Variants in MGST2 observed in about 807,000 individuals in gnomAD.
The protein encoded by MGST2 is microsomal glutathione S-transferase 2.
Under a neutral mutation model 16.6 loss-of-function variants are expected in MGST2, and 9 were observed. The ratio of observed to expected loss-of-function variants is 0.54; its 90% CI spans 0.33 to 0.95. The LOEUF (loss-of-function observed/expected upper bound fraction) is 0.95. MGST2 is among the 40% of genes least tolerant of loss of function. The pLI is 0.03. For missense variants in MGST2, 159 were observed against 175.1 expected, an observed-to-expected ratio of 0.91 and a Z score of 0.52; for synonymous variants, 79 against 68.0, an observed-to-expected ratio of 1.16 and a Z score of -0.79.
chr4:139,689,106 C>CAAAAA (rs746270352), intron 2 of MGST2, among the ~76,000 whole-genome samples: 1 of 62,388 alleles, frequency 1.6e-5, no homozygotes, highest in Non-Finnish European at 3.0e-5. Flanking sequence ...GACGCCATCT[C>CAAAAA]AAAAAAAAAA....
intron 5 of MGST2, chr4:139,719,827 C>T: frequency 6.2e-7 from 1 of 1,613,576 alleles, no homozygotes; most frequent in Non-Finnish European, 8.5e-7. Flanking sequence ...TCCTCCCAGG[C>T]ATGCCCTGCA....
intron 1 of MGST2, 67 bp downstream of exon 1, chr4:139,666,144 G>A: frequency 1.3e-6 from 2 of 1,509,026 alleles, no homozygotes; most frequent in Non-Finnish European, 1.8e-6. Context: ...GACAAGGCTT[G>A]CGGGAGAGAG....
At chr4:139,747,036 G>A in the MGST2 span, among the ~76,000 whole-genome samples, 1 of 152,174 alleles carries the variant, frequency 6.6e-6, no homozygotes, top group South Asian at 2.1e-4. Flanking sequence ...CCTGTGTTTG[G>A]AACCTACTGA....
At chr4:139,730,274 G>T (rs1728646212) in intron 5 of MGST2, 2 of 738,546 alleles carry the variant, frequency 2.7e-6, no homozygotes, top group Admixed American at 2.4e-5. Context: ...AAATTCTTCA[G>T]GTTCTCTTGT....
At chr4:139,728,291 A>G (rs1728557985) in intron 5 of MGST2, among the ~76,000 whole-genome samples, 2 of 152,090 alleles carry the variant, frequency 1.3e-5, no homozygotes, top group African/African-American at 4.8e-5. Context: ...CTAAATCTGC[A>G]CCCTCCTCAG....
chr4:139,689,156 C>T (rs1298802775), intron 2 of MGST2, among the ~76,000 whole-genome samples: 1 of 150,408 alleles, frequency 6.6e-6, no homozygotes, highest in Admixed American at 6.6e-5. Flanking sequence ...CAGAGTGACT[C>T]TGTGTGATGA....
chr4:139,691,923 A>G (rs1328417264), intron 2 of MGST2, among the ~76,000 whole-genome samples: 1 of 152,118 alleles, frequency 6.6e-6, no homozygotes, highest in Non-Finnish European at 1.5e-5. Flanking sequence ...GACGGTCTCG[A>G]TCTCCTGACC....
At chr4:139,718,183 C>CA (rs944387328) in intron 5 of MGST2, 6 of 152,072 alleles carry the variant, frequency 3.9e-5, no homozygotes, top group African/African-American at 4.8e-5. Context: ...ATGTGGCTCA[C>CA]AAAAAACCGA....
chr4:139,743,768 T>C (rs1175376853), downstream of MGST2, among the ~76,000 whole-genome samples: 1 of 152,210 alleles, frequency 6.6e-6, no homozygotes, highest in African/African-American at 2.4e-5. Flanking sequence ...GAACACTACC[T>C]CTTAATCATA....
intron 3 of MGST2, 94 bp downstream of exon 3, chr4:139,695,361 C>G: frequency 9.3e-7 from 1 of 1,070,020 alleles, no homozygotes; most frequent in Non-Finnish European, 1.4e-6. Context: ...GTGGCTCACA[C>G]CTATATTCCC....
chr4:139,676,753 A>G (rs1335812322), intron 1 of MGST2, among the ~76,000 whole-genome samples: 1 of 152,228 alleles, frequency 6.6e-6, no homozygotes, highest in East Asian at 1.9e-4. Context: ...CCTGTTACAA[A>G]CAAAGCTGCT....
At chr4:139,693,730 T>A (rs1399676924) in intron 2 of MGST2, among the ~76,000 whole-genome samples, 1 of 152,218 alleles carries the variant, frequency 6.6e-6, no homozygotes, top group Non-Finnish European at 1.5e-5. Flanking sequence ...TAGTTACGGT[T>A]TGCAAGAGTA....
At position 139,704,197 on chromosome 4, in the gene MGST2, G is replaced by A. The variant is rs747425192; in HGVS notation, c.*49G>A. The A allele has an allele frequency of 2.0e-5, 32 of 1,591,654 alleles. No homozygotes were observed. The Middle Eastern group carries it at 5.0e-4, about 25-fold the overall frequency. Reference sequence around the variant, plus strand: ...TGCAGAAGCTGTTCCCACCATGAAGGTAATATGGTATCATTTGTTAAATAA... The same window carrying A: ...TGCAGAAGCTGTTCCCACCATGAAGATAATATGGTATCATTTGTTAAATAA... On this transcript the variant is annotated 3_prime_UTR_variant, in exon 5 of 5. Coordinates refer to ENST00000265498, the MANE Select transcript of MGST2 (RefSeq NM_002413.5).
At chr4:139,705,528 GGAGA>G (rs749498609), downstream of MGST2, 5 of 152,092 alleles carry the variant, frequency 3.3e-5, no homozygotes, top group African/African-American at 4.8e-5. Context: ...AATCTCATAA[GGAGA>G]GAGAGTTTCA....
downstream of MGST2, among the ~76,000 whole-genome samples, chr4:139,707,026 G>C (rs1727545728): frequency 6.6e-6 from 1 of 152,084 alleles, no homozygotes; most frequent in Non-Finnish European, 1.5e-5. Flanking sequence ...TCTGCATTAA[G>C]AGTCTTTTTT....
chr4:139,730,655 C>T (rs1488061630), intron 5 of MGST2: 3 of 1,612,100 alleles, frequency 1.9e-6, no homozygotes, highest in South Asian at 1.1e-5. Flanking sequence ...GGAAGTCCAA[C>T]TGGATGCTGC....
the MGST2 span, among the ~76,000 whole-genome samples, chr4:139,752,603 G>A: frequency 1.3e-5 from 2 of 152,246 alleles, no homozygotes; most frequent in Admixed American, 6.5e-5. Flanking sequence ...ATTCAGAGAA[G>A]GCTTGGCACA....
intron 5 of MGST2, chr4:139,740,153 C>G (rs1404492069): frequency 1.3e-5 from 2 of 152,208 alleles, no homozygotes; most frequent in Non-Finnish European, 2.9e-5. Context: ...TTTGGTCTAC[C>G]TGGACAAGCC....
chr4:139,712,442 G>A lies in MGST2; in HGVS notation c.*48+8246G>A, dbSNP rs185932125. 1.4e-3 allele frequency among the ~76,000 whole-genome samples: 207 copies of A among 152,264 alleles called. 1 individual carries two copies. Among genetic ancestry groups the A allele is most frequent in the Non-Finnish European group, 2.1e-3 (144 of 68,020 alleles). On this transcript the variant is annotated intron_variant, in intron 5 of 5. Transcript: ENST00000616265. The stretch of plus-strand genomic sequence containing the variant: ...CCAGTTTCCCATTTTTACTAAAGAC[G>A]AATTATGGTAAGACTGATTTGCTTT...
Sources: gnomAD v4.1 joint callset for allele counts (sites outside exome capture counted in the v4.1 genomes callset) on GRCh38, gnomAD v4.1.1 for gene constraint, MANE v1.5 for transcripts, NCBI Gene and HGNC (gene_info 2026-07-23, HGNC 2026-07-21) for gene names.